The following RBL1 variants were observed in gnomAD, a reference collection of about 807,000 sequenced individuals.
The protein encoded by RBL1 is retinoblastoma-like protein 1.
Under a neutral mutation model 123.0 loss-of-function variants are expected in RBL1, and 82 were observed. That is an observed-to-expected ratio of 0.67 (90% CI 0.56 to 0.80). RBL1 has a LOEUF of 0.80. Ranked by LOEUF, RBL1 falls within the 30% of genes least tolerant of loss-of-function variation. The pLI is 0.00. For synonymous variants in RBL1, 405 were observed against 441.3 expected, an observed-to-expected ratio of 0.92 and a Z score of 1.03; for missense variants, 1,171 against 1,299.6, an observed-to-expected ratio of 0.90 and a Z score of 1.52.
At chr20:37,010,760 A>ATGTGTGTGTGTGTGTGTG (rs374094594) in intron 19 of RBL1, among the ~76,000 whole-genome samples, 1 of 143,000 alleles carries the variant, frequency 7.0e-6, no homozygotes, top group Non-Finnish European at 1.5e-5. Context: ...GCACATGACT[A>ATGTGTGTGTGTGTGTGTG]TGTGTGTGTG....
intron 1 of RBL1, among the ~76,000 whole-genome samples, chr20:37,090,101 T>A (rs1168113083): frequency 1.3e-5 from 2 of 152,276 alleles, no homozygotes; most frequent in Middle Eastern, 3.4e-3. Flanking sequence ...TCTATATATT[T>A]AAAAAATTAT....
intron 20 of RBL1, among the ~76,000 whole-genome samples, 172 bp from the exon 21 acceptor site, chr20:37,004,038 C>A (rs1425428422): frequency 3.4e-5 from 5 of 146,608 alleles, no homozygotes; most frequent in Non-Finnish European, 6.0e-5. Flanking sequence ...TTTTTAACAA[C>A]AATAGATAAA....
intron 21 of RBL1, among the ~76,000 whole-genome samples, chr20:37,000,417 G>T (rs1203821827): frequency 8.3e-6 from 1 of 120,090 alleles, no homozygotes; most frequent in Non-Finnish European, 1.9e-5. Context: ...GGAGGGAGGT[G>T]GGGGGGTCAT....
intron 2 of RBL1, among the ~76,000 whole-genome samples, chr20:37,080,624 A>G (rs182767103): frequency 2.7e-4 from 40 of 148,418 alleles, no homozygotes; most frequent in Non-Finnish European, 4.6e-4. Context: ...GCGCCCAGCA[A>G]ATTTTTATAA....
chr20:37,047,206 G>T lies in RBL1; in HGVS notation c.1468-16C>A. 2 of 1,571,574 alleles carry T rather than the reference G, an allele frequency of 1.3e-6. No homozygotes were observed. Among genetic ancestry groups the T allele is most frequent in the South Asian group, 1.2e-5 (1 of 82,370 alleles). On this transcript the variant is annotated splice_polypyrimidine_tract_variant and intron_variant, in intron 11 of 21. Transcript: ENST00000373664. Reference sequence around the variant, plus strand: ...CTAAAAGAACCTGGGGGAAGAGAAAGACCACAGTTTAATATTTTTCAGCAA... The same window carrying T: ...CTAAAAGAACCTGGGGGAAGAGAAATACCACAGTTTAATATTTTTCAGCAA...
chr20:37,074,132 A>G (rs148410608), intron 2 of RBL1, among the ~76,000 whole-genome samples: 25 of 151,536 alleles, frequency 1.6e-4, no homozygotes, highest in African/African-American at 5.3e-4. Flanking sequence ...ACAAATTTTA[A>G]GCTGGCATGG....
intron 19 of RBL1, among the ~76,000 whole-genome samples, chr20:37,010,032 A>T (rs979767584): frequency 8.8e-6 from 1 of 113,304 alleles, no homozygotes; most frequent in African/African-American, 2.6e-5. Flanking sequence ...CTCTAAAATT[A>T]AAAAAAAACT....
intron 20 of RBL1, among the ~76,000 whole-genome samples, chr20:37,007,007 G>A (rs553377012): frequency 6.6e-5 from 10 of 151,844 alleles, no homozygotes; most frequent in Non-Finnish European, 1.2e-4. Flanking sequence ...ATCACTTTAG[G>A]AGGCTGAGGT....
chr20:37,062,429 T>C (rs910506992), intron 7 of RBL1, among the ~76,000 whole-genome samples, 159 bp from the exon 8 acceptor site: 1 of 152,154 alleles, frequency 6.6e-6, no homozygotes, highest in African/African-American at 2.4e-5. Context: ...TACCTGATTA[T>C]GGACATTCTT....
intron 14 of RBL1, among the ~76,000 whole-genome samples, chr20:37,038,833 C>T (rs1280113974): frequency 6.6e-6 from 1 of 151,452 alleles, no homozygotes; most frequent in Non-Finnish European, 1.5e-5. Flanking sequence ...AAACTCCTGA[C>T]CTCAGGTGAT....
chr20:37,031,925 T>A (rs1382519043), intron 16 of RBL1, among the ~76,000 whole-genome samples: 144 of 135,888 alleles, frequency 1.1e-3, no homozygotes, highest in Middle Eastern at 7.1e-3. Context: ...TTTTTTTTTT[T>A]AAAATAGAGA....
chr20:37,090,319 A>G (rs2065628275), intron 1 of RBL1, among the ~76,000 whole-genome samples: 1 of 152,230 alleles, frequency 6.6e-6, no homozygotes, highest in Non-Finnish European at 1.5e-5. Context: ...CTAATGTTGC[A>G]TTTCTTAGAC....
rs1480184793 is a variant in RBL1, at chr20:37,066,776, C to T, written c.794G>A (p.Gly265Glu). The T allele has an allele frequency of 1.2e-6, 2 of 1,613,726 alleles. No individual in the cohort carries two copies. The highest frequency in any genetic ancestry group is 1.1e-5 in the South Asian group (1 of 91,078). The change falls in exon 6 of 22, where the codon GGA (glycine) becomes GAA (glutamate). Residue 265 changes from glycine (G) to glutamate (E), a missense_variant. Transcript: ENST00000373664. ...LHDGLLVEAK[G>E]IKEHYFKPYI... is the part of the protein sequence containing the mutation. ...TGGCTTAAAGTAGTGCTCCTTTATTCCTTTTGCTTCTACGAGAAGTCCATC... is the reference window on the plus strand; with the variant it reads ...TGGCTTAAAGTAGTGCTCCTTTATTTCTTTTGCTTCTACGAGAAGTCCATC...
At chr20:37,047,338 G>C (rs2064831865) in intron 11 of RBL1, 148 bp from the exon 12 acceptor site, 2 of 916,992 alleles carry the variant, frequency 2.2e-6, no homozygotes, top group Non-Finnish European at 3.1e-6. Flanking sequence ...TTCTCAAATT[G>C]GTAGTTTTCC....
chr20:37,000,290 G>A (rs1367386454), intron 21 of RBL1, among the ~76,000 whole-genome samples: 6 of 149,866 alleles, frequency 4.0e-5, no homozygotes, highest in South Asian at 2.1e-4. Context: ...GAGCGTCTTC[G>A]CCTGGCAGCC....
intron 13 of RBL1, among the ~76,000 whole-genome samples, chr20:37,043,313 C>G (rs1481132857): frequency 6.6e-6 from 1 of 151,774 alleles, no homozygotes; most frequent in African/African-American, 2.4e-5. Context: ...ATGGTGAAAC[C>G]CCGTCTCTAC....
At position 37,060,121 on chromosome 20, in the gene RBL1, G is replaced by A. The variant is rs548007407; in HGVS notation, c.1250+982C>T. On this transcript the variant is annotated intron_variant, in intron 9 of 21. Transcript: ENST00000373664. ...TGGGAGGTGGAGGTTGCAGTGAGCC[G>A]AGATCATGCCATTGCACTCCAGCCT... Among the ~76,000 whole-genome samples, 424 of 151,966 alleles carry A rather than the reference G, an allele frequency of 2.8e-3. 2 individuals are homozygous for A. The highest frequency in any genetic ancestry group is 9.5e-3 in the African/African-American group (394 of 41,444).
At chr20:37,095,464 CT>C (rs1207447738) in intron 1 of RBL1, among the ~76,000 whole-genome samples, 2 of 152,198 alleles carry the variant, frequency 1.3e-5, no homozygotes, top group African/African-American at 2.4e-5. Flanking sequence ...TATATTTGTT[CT>C]TACTGATTTA....
chr20:37,003,509 T>C (rs1600438045), intron 21 of RBL1, 193 bp downstream of exon 21: 1 of 1,092,450 alleles, frequency 9.2e-7, no homozygotes, highest in East Asian at 3.4e-5. Context: ...ACAAATACCA[T>C]GTCAATAATA....
Sources: gnomAD v4.1 joint callset for allele counts (sites outside exome capture counted in the v4.1 genomes callset) on GRCh38, gnomAD v4.1.1 for gene constraint, MANE v1.5 for transcripts, NCBI Gene and HGNC (gene_info 2026-07-23, HGNC 2026-07-21) for gene names.